TMIGD3: variants seen among roughly 807,000 people sequenced by gnomAD.
TMIGD3 encodes AD026 protein (AD026).
TMIGD3 carries 21 observed loss-of-function variants against 28.1 expected under a neutral mutation model. That is an observed-to-expected ratio of 0.75 (90% CI 0.53 to 1.08). The LOEUF is 1.08. Among genes scored for constraint, TMIGD3 ranks in the 50% least tolerant of loss-of-function variants. TMIGD3 has a pLI of 0.00. For missense variants in TMIGD3, 416 were observed against 435.6 expected (o/e 0.96, Z 0.40); for synonymous variants, 151 against 162.1 (o/e 0.93, Z 0.52).
upstream of TMIGD3, among the ~76,000 whole-genome samples, chr1:111,507,643 C>A (rs546593050): frequency 1.3e-5 from 2 of 152,336 alleles, no homozygotes; most frequent in Non-Finnish European, 2.9e-5. Flanking sequence ...GGTCCACGGG[C>A]AGCTAAGACC....
intron 1 of TMIGD3, among the ~76,000 whole-genome samples, chr1:111,534,052 CACTT>C (rs1372263852): frequency 1.3e-5 from 2 of 152,072 alleles, no homozygotes; most frequent in South Asian, 2.1e-4. Context: ...AAATGTAAAA[CACTT>C]ACAATAATGC....
intron 1 of TMIGD3, chr1:111,500,653 G>A (rs1398830660): frequency 8.6e-7 from 1 of 1,165,576 alleles, no homozygotes; most frequent in African/African-American, 1.5e-5. Flanking sequence ...GTGAGATAAG[G>A]CATATACTCT....
intron 4 of TMIGD3, 129 bp from the exon 5 acceptor site, chr1:111,485,969 A>C: frequency 1.5e-6 from 1 of 665,058 alleles, no homozygotes; most frequent in Non-Finnish European, 2.6e-6. Flanking sequence ...GCTTCTGGGA[A>C]CCGTATTCCT....
rs1457020476 is a variant in TMIGD3 at position 111,529,958 on chromosome 1, G to A, written c.107+33888C>T. ...CCAGTAGGGGCGGCCGGGCAGAGGC[G>A]CCCCTCACCTCCCGGATGGGGCGGC... On this transcript the variant is annotated intron_variant, in intron 1 of 5. Coordinates refer to the TMIGD3 transcript ENST00000369717. Among the ~76,000 whole-genome samples, 19 of 129,284 alleles carry A rather than the reference G, an allele frequency of 1.5e-4. No individual in the cohort carries two copies. The East Asian group carries it at 3.1e-3, about 21-fold the overall frequency. The allele number at this position is 129,284 out of a possible 152,430, so 84.8% of individuals were successfully genotyped here.
At chr1:111,500,609 G>C (rs1017344210) in intron 1 of TMIGD3, 6 of 1,548,476 alleles carry the variant, frequency 3.9e-6, no homozygotes, top group Non-Finnish European at 3.5e-6. Context: ...CTAAAGGGTA[G>C]GGGAGATGGA....
chr1:111,560,508 T>G (rs1657692037), intron 1 of TMIGD3, among the ~76,000 whole-genome samples: 1 of 145,844 alleles, frequency 6.9e-6, no homozygotes, highest in Admixed American at 6.7e-5. Flanking sequence ...ACTTATTAAT[T>G]AGAGACAGGG....
At chr1:111,491,120 A>C (rs1571402184) in intron 1 of TMIGD3, among the ~76,000 whole-genome samples, 1 of 152,264 alleles carries the variant, frequency 6.6e-6, no homozygotes, top group Non-Finnish European at 1.5e-5. Flanking sequence ...CCAATCTTGG[A>C]GGCCCAATTT....
At chr1:111,491,078 C>T (rs896767638) in intron 1 of TMIGD3, among the ~76,000 whole-genome samples, 1 of 152,246 alleles carries the variant, frequency 6.6e-6, no homozygotes, top group Non-Finnish European at 1.5e-5. Flanking sequence ...ATGGTCCTGG[C>T]ATCATCAGAG....
At chr1:111,487,308 AC>A (rs1654427282) in intron 3 of TMIGD3, among the ~76,000 whole-genome samples, 3 of 152,356 alleles carry the variant, frequency 2.0e-5, no homozygotes, top group Admixed American at 1.3e-4. Context: ...GAACGATGTT[AC>A]ATTCCGTAGG....
chr1:111,503,644 G>T, upstream of TMIGD3: 1 of 1,160,236 alleles, frequency 8.6e-7, no homozygotes, highest in East Asian at 4.6e-5. Flanking sequence ...GAATCTGAAA[G>T]TGCTGCTGCT....
intron 1 of TMIGD3, among the ~76,000 whole-genome samples, chr1:111,538,187 C>A (rs1233284699): frequency 1.3e-5 from 2 of 152,144 alleles, no homozygotes; most frequent in Non-Finnish European, 2.9e-5. Flanking sequence ...ACAATTTGTG[C>A]CTCTGGAATT....
intron 1 of TMIGD3, chr1:111,563,821 A>G: frequency 1.3e-6 from 2 of 1,590,186 alleles, no homozygotes; most frequent in Non-Finnish European, 1.7e-6. Flanking sequence ...GCCTCCCAGC[A>G]GCTATATTTT....
At chr1:111,514,331 G>A (rs983562186) in intron 1 of TMIGD3, among the ~76,000 whole-genome samples, 1 of 152,096 alleles carries the variant, frequency 6.6e-6, no homozygotes, top group African/African-American at 2.4e-5. Context: ...GATTGCTTGA[G>A]CCCAGGAGTT....
At chr1:111,550,770 C>T (rs368141930) in intron 1 of TMIGD3, among the ~76,000 whole-genome samples, 3 of 152,230 alleles carry the variant, frequency 2.0e-5, no homozygotes, top group South Asian at 2.1e-4. Context: ...GCTGGGATTA[C>T]AGGCACATGC....
At chr1:111,522,854 T>C (rs66535021) in intron 1 of TMIGD3, among the ~76,000 whole-genome samples, 39,018 of 152,096 alleles carry the variant, frequency 0.26, 5,524 homozygotes, top group East Asian at 0.67. Flanking sequence ...TGTTCATTAC[T>C]AGAATAGAGA....
chr1:111,507,552 A>T (rs950659155), upstream of TMIGD3, among the ~76,000 whole-genome samples: 3 of 151,802 alleles, frequency 2.0e-5, no homozygotes, highest in Non-Finnish European at 4.4e-5. Context: ...ACCCTAAAAA[A>T]CCCCAGTTGC....
chr1:111,526,300 T>C (rs1656259543), intron 1 of TMIGD3, among the ~76,000 whole-genome samples: 2 of 152,172 alleles, frequency 1.3e-5, no homozygotes, highest in Non-Finnish European at 2.9e-5. Flanking sequence ...TGGGAGGTAA[T>C]TGAATCATGG....
chr1:111,552,252 C>G lies in TMIGD3; in HGVS notation c.107+11594G>C, dbSNP rs138239563. 1.6e-4 allele frequency among the ~76,000 whole-genome samples: 24 copies of G among 152,316 alleles called. 1 individual carries two copies. The East Asian group carries it at 4.6e-3, about 29-fold the overall frequency. On this transcript the variant is annotated intron_variant, in intron 1 of 5. Coordinates refer to the TMIGD3 transcript ENST00000369717. ...ATATTTCCAAATGACGACATTCATT[C>G]TCCTTCTTCTGGTACTGGTGCTAGA...
chr1:111,503,746 G>A (rs950918558), upstream of TMIGD3: 9 of 1,022,046 alleles, frequency 8.8e-6, no homozygotes, highest in East Asian at 1.7e-4. Context: ...CTTCAGGGGT[G>A]TTTCAGGAAG....
Sources: allele counts gnomAD v4.1 joint callset (sites outside exome capture counted in the v4.1 genomes callset), GRCh38; gene constraint gnomAD v4.1.1; transcripts MANE v1.5; gene names NCBI Gene and HGNC (gene_info 2026-07-23, HGNC 2026-07-21).